TBRG4: variants seen among roughly 807,000 people sequenced by gnomAD.
The protein encoded by TBRG4 is transforming growth factor beta regulator 4.
Under a neutral mutation model 65.6 loss-of-function variants are expected in TBRG4, and 43 were observed. The observed-to-expected ratio is 0.66, with a 90% CI of 0.51 to 0.85. The LOEUF is 0.85. TBRG4 is among the 40% of genes least tolerant of loss of function. The pLI, the probability that TBRG4 is intolerant of heterozygous loss-of-function variation, is 0.00. For missense variants in TBRG4, 709 were observed against 787.9 expected, an observed-to-expected ratio of 0.90 and a Z score of 1.20; for synonymous variants, 366 against 341.4, an observed-to-expected ratio of 1.07 and a Z score of -0.79.
In TBRG4 at chr7:45,105,681, C is replaced by T; in HGVS notation, c.495G>A (p.Leu165=). 6.2e-7 allele frequency: 1 copy of T among 1,614,084 alleles called. No individual in the cohort carries two copies. The highest frequency in any genetic ancestry group is 2.2e-5 in the East Asian group (1 of 44,886). The change falls in exon 3 of 11, where the codon CTG becomes CTA. Residue 165 remains leucine, a synonymous_variant. Transcript: ENST00000258770. ...AGCGGACCTCCTGCTCCACCGACTG[C>T]AGCTCCTTGGAGGCCTTGGGGATGC... ...ALGIPKASKE[L]QSVEQEVRWR...
At position 45,103,046 on chromosome 7, in the gene TBRG4, C is replaced by CGAAGGCCCACTGGAGCTTCT. The variant is rs1253785215; in HGVS notation, c.1176+267_1176+286dup. 4 of 483,970 alleles carry CGAAGGCCCACTGGAGCTTCT rather than the reference C, an allele frequency of 8.3e-6. No individual in the cohort carries two copies. The East Asian group carries it at 1.2e-4, about 14-fold the overall frequency. The allele number at this position is 483,970 out of a possible 1,614,324, so 30.0% of individuals were successfully genotyped here. On this transcript the variant is annotated intron_variant, in intron 6 of 10. Coordinates refer to ENST00000258770, the MANE Select transcript of TBRG4 (RefSeq NM_004749.4). ...CTGCCCTGAGCTGGTGCACATAGCA[C>CGAAGGCCCACTGGAGCTTCT]GAAGGCCCACTGGAGCTTCTGAGCA...
At chr7:45,100,493 G>T in intron 10 of TBRG4, 67 bp from the exon 11 acceptor site, 1 of 1,299,680 alleles carries the variant, frequency 7.7e-7, no homozygotes, top group Non-Finnish European at 1.1e-6. Context: ...GGCTCTGCCT[G>T]CTTGCCTGCT....
intron 2 of TBRG4, chr7:45,106,851 A>C (rs906014969): frequency 6.6e-6 from 1 of 152,216 alleles, no homozygotes; most frequent in Non-Finnish European, 1.5e-5. Flanking sequence ...TCCAACCCCT[A>C]AACTGTTCTC....
At chr7:45,106,766 ACT>A (rs1452741454) in intron 2 of TBRG4, 1 of 152,182 alleles carries the variant, frequency 6.6e-6, no homozygotes, top group African/African-American at 2.4e-5. Context: ...ACAGAGTGAG[ACT>A]CTGTCTCAAA....
intron 2 of TBRG4, among the ~76,000 whole-genome samples, chr7:45,108,443 G>C (rs1208410972): frequency 2.6e-5 from 4 of 152,156 alleles, no homozygotes; most frequent in African/African-American, 9.7e-5. Context: ...CCTTCCATCA[G>C]TCATGCTGCA....
At chr7:45,103,163 C>G in intron 6 of TBRG4, 170 bp downstream of exon 6, 1 of 639,798 alleles carries the variant, frequency 1.6e-6, no homozygotes, top group Non-Finnish European at 2.8e-6. Flanking sequence ...CATGTGTTCT[C>G]AGTAATCCCT....
chr7:45,100,461 AAGG>A, intron 10 of TBRG4, 35 bp from the exon 11 acceptor site: 1 of 1,555,880 alleles, frequency 6.4e-7, no homozygotes, highest in Non-Finnish European at 8.9e-7. Context: ...TCACATGGGC[AAGG>A]AGATCCCTTC....
chr7:45,104,484 G>A, intron 4 of TBRG4, 54 bp downstream of exon 4: 1 of 1,612,054 alleles, frequency 6.2e-7, no homozygotes, highest in African/African-American at 1.3e-5. Context: ...ACGGCTGCAG[G>A]CATCTGCAGG....
Position 45,100,445 on chromosome 7 carries a change from G to C in TBRG4, c.1795-19C>G, listed in dbSNP as rs1432009317. 6.2e-7 allele frequency: 1 copy of C among 1,600,568 alleles called. No individual in the cohort carries two copies. Among genetic ancestry groups the C allele is most frequent in the East Asian group, 2.2e-5 (1 of 44,792 alleles). Reference sequence around the variant, plus strand: ...ATGGGACCTAGAAGGAGGCAGGGGAGACAGGTCACATGGGCAAGGAGATCC... The same window carrying C: ...ATGGGACCTAGAAGGAGGCAGGGGACACAGGTCACATGGGCAAGGAGATCC... On this transcript the variant is annotated intron_variant, in intron 10 of 10. Transcript: ENST00000258770.
rs1784779683 is a variant in TBRG4, at chr7:45,102,006, C to T, written c.1386G>A (p.Leu462=). 2 of 1,571,502 alleles carry T rather than the reference C, an allele frequency of 1.3e-6. No homozygotes were observed. Among genetic ancestry groups the T allele is most frequent in the Non-Finnish European group, 1.7e-6 (2 of 1,162,120 alleles). ...QKLLHINATA[L]LEYPEYSGPL... is the part of the protein sequence containing the mutation. The stretch of plus-strand genomic sequence containing the variant: ...GACCCGAGTACTCGGGGTACTCCAG[C>T]AGGGCAGTGGCGTTGATGTGGAGCA... Residue 462 remains leucine (L), a synonymous_variant, in exon 8 of 11, where the codon CTG becomes CTA. Transcript: ENST00000258770.
chr7:45,111,449 C>A, intron 1 of TBRG4, 194 bp downstream of exon 1: 2 of 526,600 alleles, frequency 3.8e-6, no homozygotes, highest in South Asian at 2.1e-5. Context: ...CAGGCCTGGC[C>A]GCGCGGGCTA....
chr7:45,105,778 G>A lies in TBRG4; in HGVS notation c.412-14C>T, dbSNP rs1274386806. 1 of 1,591,530 alleles carries A rather than the reference G, an allele frequency of 6.3e-7. No individual in the cohort carries two copies. The highest frequency in any genetic ancestry group is 1.7e-5 in the Admixed American group (1 of 58,498). On this transcript the variant is annotated splice_polypyrimidine_tract_variant and intron_variant, in intron 2 of 10. Transcript: ENST00000258770. ...GACCGAGGCAATCTAGGCAGAGAAA[G>A]GACACAGGAGAAATGATGTGGCACT...
Position 45,111,645 on chromosome 7 carries a change from A to C in TBRG4, c.-53T>G. The C allele has an allele frequency of 7.8e-7, 1 of 1,289,320 alleles. No individual in the cohort carries two copies. The highest frequency in any genetic ancestry group is 1.0e-6 in the Non-Finnish European group (1 of 988,828). 79.9% of individuals were successfully genotyped at this position (1,289,320 alleles called of 1,614,324 possible). On this transcript the variant is annotated splice_region_variant and 5_prime_UTR_variant, in exon 1 of 11. Coordinates refer to ENST00000258770, the MANE Select transcript of TBRG4 (RefSeq NM_004749.4). ...TCTCCCCGTGCCACAAGACCTACGC[A>C]GCGAGCACCACCGCTGACCTCCATC...
At chr7:45,102,782 C>T (rs1036610352) in intron 6 of TBRG4, 5 of 467,088 alleles carry the variant, frequency 1.1e-5, no homozygotes, top group Non-Finnish European at 1.9e-5. Flanking sequence ...TGGCAGGGAA[C>T]AAGATCCCTT....
chr7:45,106,310 G>C (rs1242234072), intron 2 of TBRG4: 1 of 297,706 alleles, frequency 3.4e-6, no homozygotes, highest in Non-Finnish European at 6.8e-6. Context: ...GTTGATTAAA[G>C]AGAGACCACA....
chr7:45,100,741 G>A (rs1784739647), intron 10 of TBRG4, among the ~76,000 whole-genome samples: 1 of 152,376 alleles, frequency 6.6e-6, no homozygotes, highest in African/African-American at 2.4e-5. Context: ...CAGAACCCTT[G>A]TGTGGCTCAT....
chr7:45,105,790 AATG>A (rs761947244), intron 2 of TBRG4, 26 bp from the exon 3 acceptor site: 1 of 1,584,194 alleles, frequency 6.3e-7, no homozygotes, highest in Non-Finnish European at 8.6e-7. Context: ...ACACAGGAGA[AATG>A]ATGTGGCACT....
rs201114880 is a variant in TBRG4 at position 45,105,498 on chromosome 7, G to A, written c.678C>T (p.Thr226=). Residue 226 remains threonine, a synonymous_variant, in exon 3 of 11, where the codon ACC becomes ACT. Coordinates refer to ENST00000258770, the MANE Select transcript of TBRG4 (RefSeq NM_004749.4). ...TEIEDSHTLV[T]VMMKVGHLSE... ...AGAGGTGTCCCACCTTCATCATGAC[G>A]GTCACTAATGTGTGGGAATCTTCAA... The A allele has an allele frequency of 1.7e-5, 28 of 1,613,942 alleles. No homozygotes were observed. Among genetic ancestry groups the A allele is most frequent in the South Asian group, 7.7e-5 (7 of 91,060 alleles).
chr7:45,102,263 T>A (rs750726257), intron 7 of TBRG4, 84 bp downstream of exon 7: 1 of 1,588,184 alleles, frequency 6.3e-7, no homozygotes, highest in Non-Finnish European at 8.6e-7. Context: ...CTGGCCTCCA[T>A]CTGCCCCAAA....
Sources: gnomAD v4.1 joint callset for allele counts (sites outside exome capture counted in the v4.1 genomes callset) on GRCh38, gnomAD v4.1.1 for gene constraint, MANE v1.5 for transcripts, NCBI Gene and HGNC (gene_info 2026-07-23, HGNC 2026-07-21) for gene names.